TPRG1: variants seen among roughly 807,000 people sequenced by gnomAD.
TPRG1 encodes the protein tumor protein p63 regulated 1, also known as tumor protein p63-regulated gene 1 protein.
In TPRG1, 29 loss-of-function variants were observed where a neutral mutation model predicts 29.3. The ratio of observed to expected loss-of-function variants is 0.99; its 90% confidence interval spans 0.74 to 1.35. TPRG1 has a LOEUF of 1.35. TPRG1 is among the 40% of genes most tolerant of loss of function. TPRG1 has a pLI of 0.00. For missense variants in TPRG1, 327 were observed against 335.0 expected, an observed-to-expected ratio of 0.98 and a Z score of 0.19; for synonymous variants, 130 against 116.8, an observed-to-expected ratio of 1.11 and a Z score of -0.73.
At chr3:189,197,660 T>G (rs73184444) in intron 1 of TPRG1, among the ~76,000 whole-genome samples, 9,070 of 152,320 alleles carry the variant, frequency 0.06, 414 homozygotes, top group Non-Finnish European at 0.098. Flanking sequence ...AGGTTTATAT[T>G]AATAGCTAGC....
intron 3 of TPRG1, among the ~76,000 whole-genome samples, chr3:189,217,288 C>T (rs1320701175): frequency 6.6e-6 from 1 of 152,164 alleles, no homozygotes; most frequent in South Asian, 2.1e-4. Context: ...AAACTTTGAA[C>T]CCAGCTTGAA....
At chr3:189,078,095 T>TTCTCTCTTTCTCTCTTTCTCTCTTTCTC (rs1350887399) in intron 4 of TPRG1, among the ~76,000 whole-genome samples, 1 of 30,018 alleles carries the variant, frequency 3.3e-5, no homozygotes, top group African/African-American at 5.7e-5. Context: ...CTTTCTCTCT[T>TTCTCTCTTTCTCTCTTTCTCTCTTTCTC]TCTTTCTTTC....
intron 4 of TPRG1, among the ~76,000 whole-genome samples, chr3:189,302,643 A>C (rs1721017541): frequency 6.6e-6 from 1 of 152,250 alleles, no homozygotes; most frequent in Non-Finnish European, 1.5e-5. Flanking sequence ...CAAATAGGCC[A>C]TTTAGATGCT....
chr3:189,264,352 C>CATGT (rs1263912455), intron 4 of TPRG1, among the ~76,000 whole-genome samples: 1 of 152,160 alleles, frequency 6.6e-6, no homozygotes, highest in African/African-American at 2.4e-5. Flanking sequence ...ACTATTTGTA[C>CATGT]ATGTATTTTA....
At position 189,199,989 on chromosome 3, in the gene TPRG1, A is replaced by T. The variant is rs531941157; in HGVS notation, c.-9-7387A>T. Reference sequence around the variant, plus strand: ...CTTTATTTTGTAGAGAGGAACCTGAAGTGCAGAGAAGGGAAGCAAGAAAGT... The same window carrying T: ...CTTTATTTTGTAGAGAGGAACCTGATGTGCAGAGAAGGGAAGCAAGAAAGT... On this transcript the variant is annotated intron_variant, in intron 1 of 5. Coordinates refer to ENST00000345063, the MANE Select transcript of TPRG1 (RefSeq NM_198485.4). 1.1e-4 allele frequency among the ~76,000 whole-genome samples: 17 copies of T among 152,346 alleles called. No homozygotes were observed. The South Asian group carries it at 3.1e-3, about 28-fold the overall frequency.
At chr3:189,056,357 A>C (rs915502982) in intron 4 of TPRG1, among the ~76,000 whole-genome samples, 1 of 151,960 alleles carries the variant, frequency 6.6e-6, no homozygotes, top group African/African-American at 2.4e-5. Context: ...CTGCCTCCCA[A>C]AGTGTTGAGA....
At chr3:189,246,943 T>C (rs1453616719) in intron 4 of TPRG1, among the ~76,000 whole-genome samples, 1 of 152,158 alleles carries the variant, frequency 6.6e-6, no homozygotes, top group African/African-American at 2.4e-5. Flanking sequence ...GACTTTGATG[T>C]GCTACATGTG....
rs537389976 is a variant in TPRG1 at position 189,106,104 on chromosome 3, G to GAAACA, written c.-744+5919_-744+5923dup. 2.9e-3 allele frequency among the ~76,000 whole-genome samples: 441 copies of GAAACA among 152,030 alleles called. 2 individuals are homozygous for GAAACA. Among genetic ancestry groups the GAAACA allele is most frequent in the African/African-American group, 8.2e-3 (340 of 41,448 alleles). Reference sequence around the variant, plus strand: ...GAAAAACAAAGACACTGTTCTACCAGAAACAAAACAAAACAAAACAAAAAA... The same window carrying GAAACA: ...GAAAAACAAAGACACTGTTCTACCAGAAACAAAACAAAACAAAACAAAACAAAAAA... On this transcript the variant is annotated intron_variant, in intron 1 of 6. Transcript: ENST00000412373.
Position 189,259,947 on chromosome 3 carries a change from ATT to A in TPRG1, c.479+21039_479+21040del, listed in dbSNP as rs1231557504. Among the ~76,000 whole-genome samples the A allele has an allele frequency of 2.6e-4, 40 of 152,190 alleles. 1 individual carries two copies. The highest frequency in any genetic ancestry group is 4.0e-4 in the Non-Finnish European group (27 of 68,012). On this transcript the variant is annotated intron_variant, in intron 4 of 5. Transcript: ENST00000345063. The stretch of plus-strand genomic sequence containing the variant: ...CTAATTCTTACTTGTTCTCAAATGC[ATT>A]GTAATTTTTGATGGTCACTAAGCCC...
At chr3:189,046,096 G>A (rs1714961558) in intron 4 of TPRG1, among the ~76,000 whole-genome samples, 2 of 152,136 alleles carry the variant, frequency 1.3e-5, no homozygotes, top group South Asian at 4.1e-4. Context: ...GACTTCTAAG[G>A]TTTTAGTTAT....
chr3:189,118,737 G>A (rs1335445567), intron 1 of TPRG1, among the ~76,000 whole-genome samples: 1 of 152,216 alleles, frequency 6.6e-6, no homozygotes, highest in Non-Finnish European at 1.5e-5. Context: ...ATGTGGTGTT[G>A]GTCCTGTGGG....
chr3:189,246,499 T>A (rs929153478), intron 4 of TPRG1, among the ~76,000 whole-genome samples: 1 of 152,198 alleles, frequency 6.6e-6, no homozygotes, highest in Admixed American at 6.5e-5. Flanking sequence ...ATGTTATAAC[T>A]TGTGCTTTAA....
chr3:189,234,474 C>T (rs547075956), intron 3 of TPRG1, among the ~76,000 whole-genome samples: 7 of 152,184 alleles, frequency 4.6e-5, no homozygotes, highest in African/African-American at 1.2e-4. Context: ...GGAAGGATAC[C>T]GCAGGTAACA....
intron 3 of TPRG1, among the ~76,000 whole-genome samples, chr3:189,216,242 AG>A (rs963899052): frequency 2.6e-5 from 4 of 152,218 alleles, no homozygotes; most frequent in Non-Finnish European, 5.9e-5. Context: ...TGATCACAAA[AG>A]GGTTCAGCAG....
rs991997523 is a variant in TPRG1, at chr3:189,207,521, G to A, written c.137G>A (p.Ser46Asn). 9.3e-6 allele frequency: 15 copies of A among 1,613,944 alleles called. No homozygotes were observed. The highest frequency in any genetic ancestry group is 1.3e-5 in the Non-Finnish European group (15 of 1,179,966). ...PMPRQISRQS[S>N]VTESTLYPNP... ...CCAAGACAGATTTCAAGGCAGTCAA[G>A]TGTGACCGAATCAACTCTTTACCCC... The change falls in exon 2 of 6, where the codon AGT (serine) becomes AAT (asparagine). Residue 46 changes from serine to asparagine, a missense_variant. Coordinates refer to ENST00000345063, the MANE Select transcript of TPRG1 (RefSeq NM_198485.4).
chr3:189,269,585 G>A (rs1714729166), intron 4 of TPRG1, among the ~76,000 whole-genome samples: 1 of 151,836 alleles, frequency 6.6e-6, no homozygotes, highest in Admixed American at 6.6e-5. Context: ...CAGAGGATTT[G>A]TTTCTTCTGA....
At chr3:189,189,711 G>A (rs866391805) in intron 1 of TPRG1, among the ~76,000 whole-genome samples, 4 of 152,192 alleles carry the variant, frequency 2.6e-5, no homozygotes, top group African/African-American at 7.2e-5. Context: ...ATCCCGGACG[G>A]GGTGTTGAAC....
intron 4 of TPRG1, among the ~76,000 whole-genome samples, chr3:189,258,548 G>T (rs1212737830): frequency 6.6e-6 from 1 of 152,188 alleles, no homozygotes; most frequent in Non-Finnish European, 1.5e-5. Flanking sequence ...GAGATATGCT[G>T]CTCTCGTCAG....
chr3:189,210,794 C>T (rs1735147119), intron 2 of TPRG1, among the ~76,000 whole-genome samples: 1 of 152,110 alleles, frequency 6.6e-6, no homozygotes, highest in African/African-American at 2.4e-5. Flanking sequence ...AGTGGCAAAG[C>T]TAGGGCTCAA....
Sources: allele counts gnomAD v4.1 joint callset (sites outside exome capture counted in the v4.1 genomes callset), GRCh38; gene constraint gnomAD v4.1.1; transcripts MANE v1.5; gene names NCBI Gene and HGNC (gene_info 2026-07-23, HGNC 2026-07-21).